PSMD14: variants seen among roughly 807,000 people sequenced by gnomAD.
The protein encoded by PSMD14 is proteasome 26S subunit, non-ATPase 14, also known as ubiquitin C-terminal hydrolase PSMD14.
In PSMD14, 7 loss-of-function variants were observed where a neutral mutation model predicts 41.2. The observed-to-expected ratio is 0.17, with a 90% CI of 0.10 to 0.32. The LOEUF (loss-of-function observed/expected upper bound fraction) is 0.32. Ranked by LOEUF, PSMD14 falls within the 10% of genes least tolerant of loss-of-function variation. The pLI, the probability that PSMD14 is intolerant of heterozygous loss-of-function variation, is 1.00. For missense variants in PSMD14, 139 were observed against 375.6 expected, an observed-to-expected ratio of 0.37 and a Z score of 5.21; for synonymous variants, 114 against 122.3, an observed-to-expected ratio of 0.93 and a Z score of 0.45.
At chr2:161,379,298 G>A (rs1683544006) in intron 7 of PSMD14, among the ~76,000 whole-genome samples, 1 of 151,940 alleles carries the variant, frequency 6.6e-6, no homozygotes, top group African/African-American at 2.4e-5. Context: ...TATTAGTAGT[G>A]CCCTGAGGAG....
chr2:161,348,897 ATAAAG>A (rs1056225924), intron 3 of PSMD14, among the ~76,000 whole-genome samples: 3 of 152,166 alleles, frequency 2.0e-5, no homozygotes, highest in African/African-American at 4.8e-5. Context: ...TTTAAAAGAA[ATAAAG>A]TAAATAACAG....
At chr2:161,362,140 A>G (rs1683297743) in intron 3 of PSMD14, among the ~76,000 whole-genome samples, 1 of 152,110 alleles carries the variant, frequency 6.6e-6, no homozygotes, top group South Asian at 2.1e-4. Flanking sequence ...ACCATGGCTC[A>G]CTGCAGCCTC....
At chr2:161,409,029 A>G (rs1024782268) in intron 11 of PSMD14, 130 bp downstream of exon 11, 2 of 643,946 alleles carry the variant, frequency 3.1e-6, no homozygotes, top group Non-Finnish European at 5.1e-6. Flanking sequence ...TAAATGTGAT[A>G]CTAATTGTAA....
At chr2:161,321,984 A>C (rs1216401341) in intron 3 of PSMD14, among the ~76,000 whole-genome samples, 1 of 152,166 alleles carries the variant, frequency 6.6e-6, no homozygotes, top group South Asian at 2.1e-4. Context: ...TCAAAATTCA[A>C]ATCTCCATCC....
chr2:161,360,052 A>G (rs1473055118), intron 3 of PSMD14, among the ~76,000 whole-genome samples: 1 of 152,182 alleles, frequency 6.6e-6, no homozygotes, highest in Non-Finnish European at 1.5e-5. Context: ...TAAACAAAAA[A>G]CAAAGATGTG....
intron 3 of PSMD14, among the ~76,000 whole-genome samples, chr2:161,354,982 A>G (rs555270452): frequency 1.3e-5 from 2 of 152,338 alleles, no homozygotes; most frequent in South Asian, 4.1e-4. Context: ...AGGCCTAGGA[A>G]AAGAAACTTT....
At chr2:161,345,035 G>A (rs780312354) in intron 3 of PSMD14, among the ~76,000 whole-genome samples, 10 of 151,936 alleles carry the variant, frequency 6.6e-5, no homozygotes, top group African/African-American at 2.2e-4. Context: ...ATTGAGTTCC[G>A]TGATCCATTT....
At chr2:161,380,086 T>C (rs1683554691) in intron 7 of PSMD14, among the ~76,000 whole-genome samples, 5 of 152,032 alleles carry the variant, frequency 3.3e-5, no homozygotes. Context: ...CACTGAAAAC[T>C]ACAGTGGCAG....
At chr2:161,397,371 A>G (rs1683815379) in intron 10 of PSMD14, among the ~76,000 whole-genome samples, 2 of 152,226 alleles carry the variant, frequency 1.3e-5, no homozygotes, top group Non-Finnish European at 2.9e-5. Flanking sequence ...ACGAAGTGAA[A>G]GAAGGAGGAG....
intron 7 of PSMD14, among the ~76,000 whole-genome samples, chr2:161,373,645 G>A (rs983754459): frequency 6.6e-6 from 1 of 151,792 alleles, no homozygotes; most frequent in African/African-American, 2.4e-5. Context: ...ATTTAGTAAG[G>A]CAATGATTAG....
At chr2:161,326,859 A>G (rs778750765) in intron 3 of PSMD14, among the ~76,000 whole-genome samples, 1 of 152,228 alleles carries the variant, frequency 6.6e-6, no homozygotes, top group Non-Finnish European at 1.5e-5. Context: ...ATAATGCTTA[A>G]TACAGTGTAA....
chr2:161,358,544 TGCCCA>T (rs1328844483), intron 3 of PSMD14, among the ~76,000 whole-genome samples: 1 of 152,188 alleles, frequency 6.6e-6, no homozygotes, highest in Non-Finnish European at 1.5e-5. Context: ...TTTGTGTCTC[TGCCCA>T]TTTCTGCCCA....
intron 2 of PSMD14, among the ~76,000 whole-genome samples, chr2:161,316,840 T>C (rs1689152984): frequency 6.6e-6 from 1 of 152,176 alleles, no homozygotes; most frequent in African/African-American, 2.4e-5. Context: ...CAGAAACAAA[T>C]TTGACCTGCC....
At chr2:161,390,070 C>T (rs1683692779) in intron 8 of PSMD14, among the ~76,000 whole-genome samples, 1 of 150,530 alleles carries the variant, frequency 6.6e-6, no homozygotes, top group Admixed American at 6.6e-5. Context: ...AATTGAATTG[C>T]CCTACCTTAC....
At position 161,367,522 on chromosome 2, in the gene PSMD14, C is replaced by A; in HGVS notation, c.93C>A (p.Val31=). The part of the protein sequence containing the change: ...DAPAVDTAEQ[V]YISSLALLKM... ...CTGCAGTGGACACAGCAGAACAAGT[C>A]TATATCTCTTCCCTGGCACTGTTAA... The change falls in exon 4 of 12, where the codon GTC becomes GTA. Residue 31 remains valine, a synonymous_variant. Transcript: ENST00000409682. The A allele has an allele frequency of 6.2e-7, 1 of 1,602,850 alleles. No homozygotes were observed. The highest frequency in any genetic ancestry group is 1.1e-5 in the South Asian group (1 of 88,736).
chr2:161,339,999 G>A (rs879014057), intron 3 of PSMD14, among the ~76,000 whole-genome samples: 93 of 151,760 alleles, frequency 6.1e-4, no homozygotes, highest in African/African-American at 2.1e-3. Context: ...TCCAAGAAAC[G>A]CATTTGAGAC....
intron 6 of PSMD14, among the ~76,000 whole-genome samples, chr2:161,370,945 C>G (rs974068313): frequency 3.3e-5 from 5 of 152,184 alleles, no homozygotes; most frequent in Non-Finnish European, 5.9e-5. Flanking sequence ...TTATCTACCA[C>G]TGCTAATGTG....
chr2:161,389,879 CTTTTTTGTTGTTTTTTTTTTTTTTT>C (rs1284464865), intron 8 of PSMD14, among the ~76,000 whole-genome samples: 5 of 19,414 alleles, frequency 2.6e-4, no homozygotes, highest in African/African-American at 8.8e-4. Context: ...TATTTTCTTT[CTTTTTTGTTGTTTTTTTTTTTTTTT>C]TTTTTTTTAG....
intron 3 of PSMD14, among the ~76,000 whole-genome samples, chr2:161,348,380 T>C (rs982969316): frequency 3.9e-5 from 6 of 152,222 alleles, no homozygotes; most frequent in African/African-American, 1.4e-4. Context: ...GGCCTGGCCA[T>C]GTTCCAATAA....
Sources: allele counts gnomAD v4.1 joint callset (sites outside exome capture counted in the v4.1 genomes callset), GRCh38; gene constraint gnomAD v4.1.1; transcripts MANE v1.5; gene names NCBI Gene and HGNC (gene_info 2026-07-23, HGNC 2026-07-21).